KATNBL1: variants seen among roughly 807,000 people sequenced by gnomAD.
The protein encoded by KATNBL1 is KATNB1-like protein 1.
In KATNBL1, 28 loss-of-function variants were observed where a neutral mutation model predicts 44.7. The observed-to-expected ratio is 0.63, with a 90% CI of 0.46 to 0.86. The LOEUF (loss-of-function observed/expected upper bound fraction) is 0.86, where lower values mean the gene tolerates loss of function less well. Ranked by LOEUF, KATNBL1 falls within the 40% of genes least tolerant of loss-of-function variation. The probability of loss-of-function intolerance (pLI) is 0.00; values close to 1 mark genes in which losing one functional copy is unlikely to be tolerated. For missense variants in KATNBL1, 272 were observed against 350.7 expected (o/e 0.78, Z 1.79); for synonymous variants, 78 against 114.9 (o/e 0.68, Z 2.06).
intron 1 of KATNBL1, among the ~76,000 whole-genome samples, chr15:34,195,624 G>A (rs1278523124): frequency 2.0e-5 from 3 of 150,622 alleles, no homozygotes; most frequent in Non-Finnish European, 4.4e-5. Context: ...CTGGGAGGTG[G>A]AGGTTGCAGT....
At position 34,150,419 on chromosome 15, in the gene KATNBL1, C is replaced by T. The variant is rs577407124; in HGVS notation, c.439-1669G>A. Among the ~76,000 whole-genome samples the T allele has an allele frequency of 9.2e-5, 14 of 152,196 alleles. No homozygotes were observed. In the East Asian group the frequency reaches 2.7e-3, roughly 29 times the overall value. On this transcript the variant is annotated intron_variant, in intron 4 of 9. Coordinates refer to ENST00000256544, the MANE Select transcript of KATNBL1 (RefSeq NM_024713.3). ...GACCAACCTGGGGAGCATGGCAAAACCCTGTCGCTATAGGAAATACAAAAA... is the reference window on the plus strand; with the variant it reads ...GACCAACCTGGGGAGCATGGCAAAATCCTGTCGCTATAGGAAATACAAAAA...
chr15:34,144,253 A>G (rs1054671), intron 9 of KATNBL1, among the ~76,000 whole-genome samples: 2 of 151,864 alleles, frequency 1.3e-5, no homozygotes, highest in African/African-American at 4.8e-5. Flanking sequence ...TAAGAGCTGA[A>G]CTTATCTTGG....
At chr15:34,200,207 G>A (rs1251671427) in intron 1 of KATNBL1, among the ~76,000 whole-genome samples, 1 of 151,872 alleles carries the variant, frequency 6.6e-6, no homozygotes, top group Non-Finnish European at 1.5e-5. Context: ...ATATCTCAAG[G>A]GTTTAATATT....
chr15:34,152,201 CTTTTTA>C (rs536020748), intron 4 of KATNBL1, among the ~76,000 whole-genome samples: 110 of 151,550 alleles, frequency 7.3e-4, no homozygotes, highest in Non-Finnish European at 1.4e-3. Context: ...AGATGTTGTC[CTTTTTA>C]TTTTTATTTT....
intron 1 of KATNBL1, among the ~76,000 whole-genome samples, chr15:34,188,229 C>T (rs1426364434): frequency 7.1e-6 from 1 of 141,364 alleles, no homozygotes; most frequent in Non-Finnish European, 1.5e-5. Flanking sequence ...ACCTCAAATT[C>T]TGTACACTCT....
chr15:34,198,101 C>T (rs894539971), intron 1 of KATNBL1, among the ~76,000 whole-genome samples: 23 of 152,106 alleles, frequency 1.5e-4, no homozygotes, highest in Admixed American at 1.4e-3. Context: ...CTAATAGGAA[C>T]TGATAAATTA....
intron 1 of KATNBL1, among the ~76,000 whole-genome samples, chr15:34,188,137 T>TTAAAAAAAAAAA (rs1889768867): frequency 4.5e-5 from 1 of 22,084 alleles, no homozygotes; most frequent in Non-Finnish European, 8.3e-5. Flanking sequence ...AGACGCCATG[T>TTAAAAAAAAAAA]AAAAAAAAAA....
intron 1 of KATNBL1, 176 bp downstream of exon 1, chr15:34,209,775 C>A (rs1191169093): frequency 2.0e-5 from 3 of 151,120 alleles, no homozygotes; most frequent in Non-Finnish European, 4.4e-5. Flanking sequence ...AGGGGCTCCG[C>A]CCCGGCCTTG....
At chr15:34,176,539 T>G (rs1246657104) in intron 1 of KATNBL1, among the ~76,000 whole-genome samples, 2 of 152,188 alleles carry the variant, frequency 1.3e-5, no homozygotes, top group South Asian at 4.1e-4. Context: ...GTGGTTGTCT[T>G]AGGCTAGGAT....
At chr15:34,194,709 T>C (rs1464996785) in intron 1 of KATNBL1, among the ~76,000 whole-genome samples, 2 of 152,148 alleles carry the variant, frequency 1.3e-5, no homozygotes, top group Non-Finnish European at 2.9e-5. Flanking sequence ...TATCTGACAG[T>C]GGACCGATAT....
intron 1 of KATNBL1, chr15:34,198,366 T>C (rs1052907653): frequency 3.3e-5 from 5 of 152,204 alleles, no homozygotes; most frequent in Non-Finnish European, 7.3e-5. Flanking sequence ...GCAATTATAA[T>C]ACAATATGTC....
intron 1 of KATNBL1, among the ~76,000 whole-genome samples, chr15:34,195,121 T>A (rs1016974391): frequency 2.0e-5 from 3 of 152,094 alleles, no homozygotes; most frequent in African/African-American, 7.2e-5. Context: ...AAATAAATCA[T>A]TATATCCAAA....
intron 1 of KATNBL1, among the ~76,000 whole-genome samples, chr15:34,172,549 A>C (rs10851950): frequency 4.0e-5 from 6 of 151,850 alleles, no homozygotes; most frequent in African/African-American, 1.2e-4. Flanking sequence ...AAGCCACTGC[A>C]CCCAGCCTAG....
intron 2 of KATNBL1, chr15:34,154,931 CTAATT>C (rs78807065): frequency 2.1e-6 from 1 of 478,844 alleles, no homozygotes; most frequent in Non-Finnish European, 3.8e-6. Flanking sequence ...ACAGTCTAAA[CTAATT>C]CTGATAGGCT....
chr15:34,181,551 T>TATATATGTCCATATATATATCC lies in KATNBL1; in HGVS notation c.-14-17883_-14-17862dup, dbSNP rs369431006. Among the ~76,000 whole-genome samples the TATATATGTCCATATATATATCC allele has an allele frequency of 9.9e-3, 1,392 of 140,162 alleles. 95 individuals are homozygous for TATATATGTCCATATATATATCC. The highest frequency in any genetic ancestry group is 0.015 in the South Asian group (67 of 4,384). The allele number at this position is 140,162 out of a possible 152,430, so 92.0% of individuals were successfully genotyped here. A position where few individuals can be genotyped will look rare whatever the true frequency, so the allele number is the denominator to read the frequency against. ...AACACAAAACATTCCAGCATATACATATATATGTCCATATATATATCCATA... is the reference window on the plus strand; with the variant it reads ...AACACAAAACATTCCAGCATATACATATATATGTCCATATATATATCCATATATGTCCATATATATATCCATA... On this transcript the variant is annotated intron_variant, in intron 1 of 9. Coordinates refer to ENST00000256544, the MANE Select transcript of KATNBL1 (RefSeq NM_024713.3).
intron 1 of KATNBL1, among the ~76,000 whole-genome samples, chr15:34,199,042 G>A (rs1433215220): frequency 6.6e-6 from 1 of 152,188 alleles, no homozygotes; most frequent in Non-Finnish European, 1.5e-5. Flanking sequence ...GAGAAATAGA[G>A]ACAAATACAG....
chr15:34,192,205 C>T, intron 1 of KATNBL1, among the ~76,000 whole-genome samples: 1 of 151,782 alleles, frequency 6.6e-6, no homozygotes, highest in Non-Finnish European at 1.5e-5. Flanking sequence ...GAGATCGAGA[C>T]CATCCCAGCT....
chr15:34,143,000 T>A, intron 9 of KATNBL1: 1 of 1,181,182 alleles, frequency 8.5e-7, no homozygotes, highest in Non-Finnish European at 1.1e-6. Context: ...ATGAGCCACC[T>A]TGCCCGGCCC....
At chr15:34,170,372 A>G (rs1050296582) in intron 1 of KATNBL1, among the ~76,000 whole-genome samples, 1 of 152,186 alleles carries the variant, frequency 6.6e-6, no homozygotes, top group African/African-American at 2.4e-5. Flanking sequence ...TAGGAATCCA[A>G]CTTACAAGGG....
Sources: allele counts gnomAD v4.1 joint callset (sites outside exome capture counted in the v4.1 genomes callset), GRCh38; gene constraint gnomAD v4.1.1; transcripts MANE v1.5; gene names NCBI Gene and HGNC (gene_info 2026-07-23, HGNC 2026-07-21).